Variants in ICA1L observed in about 807,000 individuals in gnomAD.
The protein encoded by ICA1L is islet cell autoantigen 1-like protein.
In ICA1L, 50 loss-of-function variants were observed where a neutral mutation model predicts 61.3. That is an observed-to-expected ratio of 0.82 (90% CI 0.65 to 1.03). The LOEUF (loss-of-function observed/expected upper bound fraction) is 1.03. Among genes scored for constraint, ICA1L ranks in the 50% least tolerant of loss-of-function variants. The pLI is 0.00. For synonymous variants in ICA1L, 161 were observed against 191.3 expected, an observed-to-expected ratio of 0.84 and a Z score of 1.31; for missense variants, 508 against 556.7, an observed-to-expected ratio of 0.91 and a Z score of 0.88.
intron 9 of ICA1L, among the ~76,000 whole-genome samples, chr2:202,808,117 TTG>T (rs1253405922): frequency 2.6e-5 from 4 of 152,160 alleles, no homozygotes; most frequent in Admixed American, 2.6e-4. Flanking sequence ...GAACTTTTTA[TTG>T]CAGCTTGGGC....
intron 1 of ICA1L, among the ~76,000 whole-genome samples, chr2:202,855,355 C>G (rs552023316): frequency 7.7e-4 from 117 of 152,180 alleles, no homozygotes; most frequent in Non-Finnish European, 1.4e-3. Context: ...ATCAACGAAT[C>G]CAGGAGCTGG....
intron 1 of ICA1L, among the ~76,000 whole-genome samples, chr2:202,846,923 C>G (rs186433898): frequency 6.6e-6 from 1 of 152,330 alleles, no homozygotes; most frequent in Non-Finnish European, 1.5e-5. Context: ...GTCTCCCCCT[C>G]TCCTGCTAAC....
chr2:202,821,772 C>G (rs1476769461), intron 3 of ICA1L: 1 of 181,630 alleles, frequency 5.5e-6, no homozygotes, highest in African/African-American at 2.4e-5. Context: ...TCCCTCAAAA[C>G]TATAAAATAA....
chr2:202,825,585 G>T lies in ICA1L; in HGVS notation c.235+110C>A, dbSNP rs927106965. On this transcript the variant is annotated intron_variant, in intron 3 of 12. Coordinates refer to ENST00000358299, the MANE Select transcript of ICA1L (RefSeq NM_001288622.3). Reference sequence around the variant, plus strand: ...AGGTAACTGTAAATATTCATATTTTGCCATAAGAAGCTATTCACAAAATTG... The same window carrying T: ...AGGTAACTGTAAATATTCATATTTTTCCATAAGAAGCTATTCACAAAATTG... The T allele has an allele frequency of 1.0e-5, 13 of 1,294,346 alleles. No individual in the cohort carries two copies. In the African/African-American group the frequency reaches 2.0e-4, roughly 20 times the overall value. 80.2% of individuals were successfully genotyped at this position (1,294,346 alleles called of 1,614,324 possible).
chr2:202,825,434 C>T, intron 3 of ICA1L: 1 of 799,544 alleles, frequency 1.3e-6, no homozygotes, highest in Non-Finnish European at 1.7e-6. Context: ...TGCACCACTG[C>T]ACTCCAACCT....
At position 202,816,010 on chromosome 2, in the gene ICA1L, C is replaced by T; in HGVS notation, c.685-1G>A. 6.3e-7 allele frequency: 1 copy of T among 1,585,850 alleles called. No individual in the cohort carries two copies. The highest frequency in any genetic ancestry group is 8.6e-7 in the Non-Finnish European group (1 of 1,168,802). On this transcript the variant is annotated splice_acceptor_variant, in intron 6 of 12. Coordinates refer to ENST00000358299, the MANE Select transcript of ICA1L (RefSeq NM_001288622.3). LOFTEE classifies it high-confidence loss of function. ...TCTTCCAGAATCCAAGCAGTGTTCTCTGCAAAAAAAGAAAAGGTGACACTA... is the reference window on the plus strand; with the variant it reads ...TCTTCCAGAATCCAAGCAGTGTTCTTTGCAAAAAAAGAAAAGGTGACACTA...
intron 1 of ICA1L, among the ~76,000 whole-genome samples, chr2:202,852,562 C>T (rs529144605): frequency 1.6e-4 from 23 of 146,526 alleles, no homozygotes; most frequent in Admixed American, 5.6e-4. Context: ...CCCAGCTACT[C>T]GGGAGGCTGA....
In ICA1L at chr2:202,786,021, A is replaced by G; in HGVS notation, c.1244-14T>C. On this transcript the variant is annotated splice_polypyrimidine_tract_variant and intron_variant, in intron 11 of 12. Coordinates refer to ENST00000358299, the MANE Select transcript of ICA1L (RefSeq NM_001288622.3). ...GGGAGACCCAGTCTGGGATAAAAGA[A>G]GTAAAAATTGTCCATTGTTAATCAA... 2 of 1,499,150 alleles carry G rather than the reference A, an allele frequency of 1.3e-6. No homozygotes were observed. The highest frequency in any genetic ancestry group is 1.8e-6 in the Non-Finnish European group (2 of 1,085,816). The allele number at this position is 1,499,150 out of a possible 1,614,324, so 92.9% of individuals were successfully genotyped here.
At chr2:202,795,261 G>A (rs1300130818) in intron 10 of ICA1L, among the ~76,000 whole-genome samples, 1 of 151,154 alleles carries the variant, frequency 6.6e-6, no homozygotes, top group African/African-American at 2.4e-5. Context: ...AAAGTGCTGG[G>A]ATTACAGGCG....
chr2:202,832,052 G>A (rs905608355), intron 1 of ICA1L, among the ~76,000 whole-genome samples: 3 of 152,132 alleles, frequency 2.0e-5, no homozygotes, highest in Non-Finnish European at 4.4e-5. Flanking sequence ...AGGAATCGTG[G>A]CAGAAAATCA....
rs367763655 is a variant in ICA1L, at chr2:202,819,666, T to C, written c.558+35A>G. 31 of 1,475,718 alleles carry C rather than the reference T, an allele frequency of 2.1e-5. No individual in the cohort carries two copies. The African/African-American group carries it at 3.3e-4, about 16-fold the overall frequency. The allele number at this position is 1,475,718 out of a possible 1,614,324, so 91.4% of individuals were successfully genotyped here. On this transcript the variant is annotated intron_variant, in intron 5 of 12. Transcript: ENST00000358299. ...TATTCTGTGGCAGTTTCATATTTCA[T>C]ACACCAAGAAAAGGAAAGGGATACG...
intron 9 of ICA1L, among the ~76,000 whole-genome samples, chr2:202,810,947 G>A (rs1033286566): frequency 1.2e-4 from 19 of 152,262 alleles, no homozygotes; most frequent in Non-Finnish European, 2.4e-4. Flanking sequence ...CTCTCAAACC[G>A]TGTCTCTGAT....
At chr2:202,839,514 A>T (rs1349585117) in intron 1 of ICA1L, among the ~76,000 whole-genome samples, 3 of 150,750 alleles carry the variant, frequency 2.0e-5, no homozygotes, top group Non-Finnish European at 4.4e-5. Context: ...AAAAAAAAAA[A>T]AAAAAGGTGA....
rs1191786568 is a variant in ICA1L, at chr2:202,849,893, G to C, written c.-7-20877C>G. On this transcript the variant is annotated intron_variant, in intron 1 of 12. Coordinates refer to ENST00000358299, the MANE Select transcript of ICA1L (RefSeq NM_001288622.3). The surrounding 1 kb of genome is among the most constrained non-coding windows in gnomAD (Gnocchi z 4.5). The stretch of plus-strand genomic sequence containing the variant: ...AGGGGTCAACAGACACCTCATACAG[G>C]AGAGTTCCAGCTGGCATCAGGCTGG... Among the ~76,000 whole-genome samples the C allele has an allele frequency of 6.6e-6, 1 of 152,158 alleles. No homozygotes were observed. Among genetic ancestry groups the C allele is most frequent in the Non-Finnish European group, 1.5e-5 (1 of 68,028 alleles).
intron 1 of ICA1L, among the ~76,000 whole-genome samples, chr2:202,846,248 C>T (rs1333250815): frequency 6.7e-6 from 1 of 150,112 alleles, no homozygotes; most frequent in Non-Finnish European, 1.5e-5. Context: ...TTTGGTTTTT[C>T]TTTCTTTCTT....
chr2:202,815,867 G>T, intron 7 of ICA1L, 44 bp downstream of exon 7: 6 of 1,099,472 alleles, frequency 5.5e-6, no homozygotes, highest in South Asian at 1.9e-5. Context: ...TCACCCAAAT[G>T]AAGAGTAATA....
At chr2:202,871,289 C>T (rs907730054) in intron 1 of ICA1L, 1 of 152,230 alleles carries the variant, frequency 6.6e-6, no homozygotes, top group Non-Finnish European at 1.5e-5. Flanking sequence ...CGCGCTCCTT[C>T]ACTACAGCGA....
chr2:202,848,856 G>A lies in ICA1L; in HGVS notation c.-7-19840C>T, dbSNP rs184194036. On this transcript the variant is annotated intron_variant, in intron 1 of 12. Coordinates refer to ENST00000358299, the MANE Select transcript of ICA1L (RefSeq NM_001288622.3). ...GGAGCAGAGATCTGGCAAAATGGCC[G>A]AATAGGAACAGCTCTGGTCTGCAGC... Among the ~76,000 whole-genome samples, 370 of 152,208 alleles carry A rather than the reference G, an allele frequency of 2.4e-3. 2 individuals are homozygous for A. Among genetic ancestry groups the A allele is most frequent in the Non-Finnish European group, 3.9e-3 (266 of 68,008 alleles).
At chr2:202,823,001 T>G (rs948367596) in intron 3 of ICA1L, among the ~76,000 whole-genome samples, 2 of 152,178 alleles carry the variant, frequency 1.3e-5, no homozygotes, top group Admixed American at 6.5e-5. Context: ...GAATCAGAAC[T>G]TCATAAAATA....
Sources: gnomAD v4.1 joint callset for allele counts (sites outside exome capture counted in the v4.1 genomes callset) on GRCh38, gnomAD v4.1.1 for gene constraint, Gnocchi (gnomAD v3.1) non-coding constraint, MANE v1.5 for transcripts, NCBI Gene and HGNC (gene_info 2026-07-23, HGNC 2026-07-21) for gene names.